Variants in PLEKHG7 observed in about 807,000 individuals in gnomAD.
PLEKHG7 encodes the protein pleckstrin homology and RhoGEF domain containing G7.
In PLEKHG7, 77 loss-of-function variants were observed where a neutral mutation model predicts 85.2. The ratio of observed to expected loss-of-function variants is 0.90; its 90% CI spans 0.75 to 1.09. The LOEUF (loss-of-function observed/expected upper bound fraction) is 1.09. PLEKHG7 is among the 50% of genes least tolerant of loss of function. PLEKHG7 has a pLI of 0.00. For synonymous variants in PLEKHG7, 301 were observed against 302.4 expected, an observed-to-expected ratio of 1.00 and a Z score of 0.05; for missense variants, 777 against 804.3, an observed-to-expected ratio of 0.97 and a Z score of 0.41.
At chr12:92,761,559 A>AGAAGGAAG (rs368776398) in intron 13 of PLEKHG7, among the ~76,000 whole-genome samples, 193 bp from the exon 14 acceptor site, 5 of 144,512 alleles carry the variant, frequency 3.5e-5, no homozygotes, top group South Asian at 4.4e-4. Context: ...AAAGAAAGAA[A>AGAAGGAAG]GAAGGAAGGA....
In PLEKHG7 at chr12:92,717,238, C is replaced by T. The variant is rs139977028; in HGVS notation, c.530+9566C>T. 4.0e-3 allele frequency among the ~76,000 whole-genome samples: 603 copies of T among 152,320 alleles called. 2 individuals are homozygous for T. Among genetic ancestry groups the T allele is most frequent in the African/African-American group, 0.014 (584 of 41,574 alleles). The stretch of plus-strand genomic sequence containing the variant: ...AAATTAAATACATCCATATTAGCCA[C>T]TGGGGCAACACTAACATGAAAGCCA... On this transcript the variant is annotated intron_variant, in intron 3 of 16. Coordinates refer to ENST00000344636, the MANE Select transcript of PLEKHG7 (RefSeq NM_001377329.1).
chr12:92,710,499 A>G (rs1215159785), intron 3 of PLEKHG7, among the ~76,000 whole-genome samples: 1 of 152,148 alleles, frequency 6.6e-6, no homozygotes, highest in Non-Finnish European at 1.5e-5. Flanking sequence ...CACAGATGGT[A>G]GTTTTGCCAG....
intron 9 of PLEKHG7, among the ~76,000 whole-genome samples, chr12:92,743,946 C>A (rs575656860): frequency 6.6e-6 from 1 of 152,200 alleles, no homozygotes; most frequent in Non-Finnish European, 1.5e-5. Flanking sequence ...TGAGAAGACC[C>A]TCTCTTTACC....
chr12:92,736,386 A>C (rs1249109733), intron 5 of PLEKHG7, 96 bp from the exon 6 acceptor site: 1 of 693,882 alleles, frequency 1.4e-6, no homozygotes, highest in Non-Finnish European at 2.0e-6. Context: ...TCTTATCATG[A>C]ATGTTAGGGA....
intron 10 of PLEKHG7, among the ~76,000 whole-genome samples, chr12:92,747,999 C>A (rs994431678): frequency 6.6e-5 from 10 of 152,072 alleles, no homozygotes; most frequent in African/African-American, 2.2e-4. Flanking sequence ...CTATAGTTAA[C>A]AATAATTTAT....
intron 15 of PLEKHG7, among the ~76,000 whole-genome samples, chr12:92,766,333 A>G (rs1248891757): frequency 6.6e-6 from 1 of 152,216 alleles, no homozygotes; most frequent in Admixed American, 6.5e-5. Context: ...ATATAGTTAT[A>G]GATTGTGGCC....
chr12:92,758,765 A>C (rs971069961), intron 13 of PLEKHG7, among the ~76,000 whole-genome samples: 3 of 152,240 alleles, frequency 2.0e-5, no homozygotes, highest in Non-Finnish European at 4.4e-5. Context: ...CATATGATGT[A>C]GTCTACATGG....
chr12:92,763,991 T>G, intron 14 of PLEKHG7, 50 bp from the exon 15 acceptor site: 2 of 1,528,028 alleles, frequency 1.3e-6, no homozygotes, highest in Non-Finnish European at 1.8e-6. Context: ...TAGATAAGTG[T>G]GCCAATATTT....
chr12:92,749,403 C>T (rs907015251), intron 10 of PLEKHG7: 1 of 152,090 alleles, frequency 6.6e-6, no homozygotes, highest in East Asian at 1.9e-4. Context: ...GTGACCCTCA[C>T]ACCTCAGCCT....
intron 10 of PLEKHG7, among the ~76,000 whole-genome samples, chr12:92,750,545 C>T (rs1348136869): frequency 6.6e-6 from 1 of 152,144 alleles, no homozygotes; most frequent in Non-Finnish European, 1.5e-5. Flanking sequence ...AGCTGTTCCC[C>T]ACAGCAGGGC....
chr12:92,713,532 T>C (rs748206673), intron 3 of PLEKHG7, among the ~76,000 whole-genome samples: 1 of 152,190 alleles, frequency 6.6e-6, no homozygotes, highest in Non-Finnish European at 1.5e-5. Context: ...TTATTCCCAT[T>C]GTATTTAAAT....
intron 15 of PLEKHG7, 75 bp downstream of exon 15, chr12:92,764,269 G>C: frequency 1.4e-6 from 2 of 1,401,006 alleles, no homozygotes; most frequent in Non-Finnish European, 1.9e-6. Flanking sequence ...CTTGGTAGCA[G>C]GTCATAAATC....
At chr12:92,720,739 T>A (rs185969731) in intron 3 of PLEKHG7, among the ~76,000 whole-genome samples, 204 of 152,342 alleles carry the variant, frequency 1.3e-3, no homozygotes, top group Middle Eastern at 0.01. Context: ...AGACCCTTTT[T>A]ACAAATAAGG....
At chr12:92,762,065 T>C (rs984729191) in intron 14 of PLEKHG7, among the ~76,000 whole-genome samples, 1 of 152,172 alleles carries the variant, frequency 6.6e-6, no homozygotes, top group African/African-American at 2.4e-5. Context: ...CTCAAGGATG[T>C]CAAAAGAGGA....
intron 15 of PLEKHG7, among the ~76,000 whole-genome samples, chr12:92,768,003 G>A (rs532262208): frequency 2.6e-5 from 4 of 151,978 alleles, no homozygotes; most frequent in Non-Finnish European, 4.4e-5. Context: ...TTAGGAGTTC[G>A]AGACCAGCCT....
chr12:92,708,114 C>T (rs1871293440), intron 3 of PLEKHG7: 1 of 170,374 alleles, frequency 5.9e-6, no homozygotes, highest in African/African-American at 2.4e-5. Flanking sequence ...TGCCCTTATC[C>T]AGAATGAAGT....
At chr12:92,743,627 T>G (rs1872432669) in intron 9 of PLEKHG7, among the ~76,000 whole-genome samples, 1 of 152,138 alleles carries the variant, frequency 6.6e-6, no homozygotes. Context: ...TGGCACGATC[T>G]CAGCTCATGG....
intron 7 of PLEKHG7, among the ~76,000 whole-genome samples, chr12:92,737,749 G>GAGGAAGGAAGGAAGGAAGGAAGGAAGGA (rs777765567): frequency 4.0e-5 from 5 of 126,016 alleles, no homozygotes; most frequent in Non-Finnish European, 8.1e-5. Flanking sequence ...GGGAGGGAGG[G>GAGGAAGGAAGGAAGGAAGGAAGGAAGGA]AGGAAGGAAG....
chr12:92,707,748 A>G (rs1310649780), intron 3 of PLEKHG7, 76 bp downstream of exon 3: 47 of 1,605,734 alleles, frequency 2.9e-5, no homozygotes, highest in Non-Finnish European at 3.7e-5. Context: ...TTCTGTCCTG[A>G]CATAACAAAG....
Sources: allele counts gnomAD v4.1 joint callset (sites outside exome capture counted in the v4.1 genomes callset), GRCh38; gene constraint gnomAD v4.1.1; transcripts MANE v1.5; gene names NCBI Gene and HGNC (gene_info 2026-07-23, HGNC 2026-07-21).